VKORC1L1: variants seen among roughly 807,000 people sequenced by gnomAD.
VKORC1L1 encodes the protein vitamin K epoxide reductase complex subunit 1L1, also known as vitamin K epoxide reductase complex subunit 1-like protein 1.
Under a neutral mutation model 18.9 loss-of-function variants are expected in VKORC1L1, and 2 were observed. The ratio of observed to expected loss-of-function variants is 0.11; its 90% CI spans 0.04 to 0.33. The LOEUF (loss-of-function observed/expected upper bound fraction) is 0.33. Ranked by LOEUF, VKORC1L1 falls within the 10% of genes least tolerant of loss-of-function variation. The pLI is 1.00. For synonymous variants in VKORC1L1, 96 were observed against 100.0 expected, an observed-to-expected ratio of 0.96 and a Z score of 0.24; for missense variants, 123 against 224.1, an observed-to-expected ratio of 0.55 and a Z score of 2.88.
At chr7:65,889,612 C>T (rs1227716382) in intron 1 of VKORC1L1, among the ~76,000 whole-genome samples, 2 of 152,156 alleles carry the variant, frequency 1.3e-5, no homozygotes, top group Non-Finnish European at 2.9e-5. Context: ...ACCAACATTC[C>T]GGTCATTAAA....
chr7:65,893,197 A>G (rs1789137157), intron 1 of VKORC1L1, among the ~76,000 whole-genome samples: 2 of 152,030 alleles, frequency 1.3e-5, no homozygotes, highest in Admixed American at 6.6e-5. Flanking sequence ...TATTTATGTT[A>G]GCATATAATA....
upstream of VKORC1L1, among the ~76,000 whole-genome samples, chr7:65,869,390 A>G (rs930357103): frequency 1.3e-5 from 2 of 152,182 alleles, no homozygotes; most frequent in African/African-American, 4.8e-5. Flanking sequence ...GCCACCTTGG[A>G]ATATAGAATT....
intron 1 of VKORC1L1, among the ~76,000 whole-genome samples, chr7:65,932,133 T>C (rs1479723191): frequency 6.6e-6 from 1 of 152,196 alleles, no homozygotes; most frequent in Non-Finnish European, 1.5e-5. Context: ...GGTATCATGC[T>C]GTTGCCCAGG....
intron 1 of VKORC1L1, among the ~76,000 whole-genome samples, chr7:65,890,287 C>T (rs112766480): frequency 9.2e-5 from 14 of 152,152 alleles, no homozygotes; most frequent in Admixed American, 3.9e-4. Flanking sequence ...CCTGCCACCA[C>T]GCCCGGCTAA....
At position 65,883,712 on chromosome 7, in the gene VKORC1L1, C is replaced by A. The variant is rs1252863686; in HGVS notation, c.194+10147C>A. 3.9e-5 allele frequency among the ~76,000 whole-genome samples: 6 copies of A among 151,934 alleles called. 1 individual carries two copies. The highest frequency in any genetic ancestry group is 8.8e-5 in the Non-Finnish European group (6 of 67,994). On this transcript the variant is annotated intron_variant, in intron 1 of 2. Coordinates refer to ENST00000360768, the MANE Select transcript of VKORC1L1 (RefSeq NM_173517.6). ...ATGGGGTTTCACCATGTTGGCCAGG[C>A]TGGTCTCGACCTCCTGACCTCGTAA...
At chr7:65,866,642 C>T in the VKORC1L1 span, among the ~76,000 whole-genome samples, 1 of 152,164 alleles carries the variant, frequency 6.6e-6, no homozygotes, top group African/African-American at 2.4e-5. Context: ...GGGCTCAGTG[C>T]TTCATACTTG....
At chr7:65,866,826 T>C in the VKORC1L1 span, among the ~76,000 whole-genome samples, 4 of 151,738 alleles carry the variant, frequency 2.6e-5, no homozygotes, top group African/African-American at 9.7e-5. Flanking sequence ...GGTGGGAGAA[T>C]TGCTTGAGCC....
At chr7:65,869,230 C>G (rs1429006792), upstream of VKORC1L1, among the ~76,000 whole-genome samples, 1 of 151,908 alleles carries the variant, frequency 6.6e-6, no homozygotes, top group Non-Finnish European at 1.5e-5. Flanking sequence ...AGGAGAATCT[C>G]TTCAACCTGG....
At chr7:65,882,805 ATT>A (rs1188410782) in intron 1 of VKORC1L1, among the ~76,000 whole-genome samples, 1 of 152,198 alleles carries the variant, frequency 6.6e-6, no homozygotes, top group Non-Finnish European at 1.5e-5. Context: ...TAAAGTTTTT[ATT>A]TTTTACCAAA....
intron 1 of VKORC1L1, among the ~76,000 whole-genome samples, chr7:65,935,074 G>A (rs1231075027): frequency 6.6e-6 from 1 of 151,394 alleles, no homozygotes; most frequent in African/African-American, 2.4e-5. Context: ...AAAAAAAGGG[G>A]GTCTATTTCA....
chr7:65,953,847 A>G (rs1426858700), intron 2 of VKORC1L1, among the ~76,000 whole-genome samples: 1 of 152,228 alleles, frequency 6.6e-6, no homozygotes, highest in East Asian at 1.9e-4. Flanking sequence ...CCTGGGCGGT[A>G]GAGTGAGACT....
At chr7:65,925,709 T>G (rs1789750075) in intron 1 of VKORC1L1, among the ~76,000 whole-genome samples, 1 of 152,152 alleles carries the variant, frequency 6.6e-6, no homozygotes, top group African/African-American at 2.4e-5. Flanking sequence ...TATATAGGAT[T>G]TGATAAAATT....
chr7:65,948,869 G>A (rs1248965282), intron 2 of VKORC1L1, 89 bp downstream of exon 2: 7 of 1,500,476 alleles, frequency 4.7e-6, no homozygotes, highest in African/African-American at 1.4e-5. Context: ...GTTAAAGCAT[G>A]TGTTATTTAT....
chr7:65,868,080 CAG>C (rs370145148), upstream of VKORC1L1, among the ~76,000 whole-genome samples: 1 of 152,178 alleles, frequency 6.6e-6, no homozygotes, highest in African/African-American at 2.4e-5. Context: ...CTCCTGACCT[CAG>C]GTGATTCACC....
At chr7:65,872,925 C>T (rs1238865838), upstream of VKORC1L1, among the ~76,000 whole-genome samples, 1 of 151,778 alleles carries the variant, frequency 6.6e-6, no homozygotes, top group Non-Finnish European at 1.5e-5. Context: ...TTAAGTCCCT[C>T]CCGCACTGGC....
At chr7:65,890,964 A>G (rs930926694) in intron 1 of VKORC1L1, among the ~76,000 whole-genome samples, 3 of 152,228 alleles carry the variant, frequency 2.0e-5, no homozygotes, top group Non-Finnish European at 4.4e-5. Flanking sequence ...GGTAATTTCC[A>G]GAAAGAAGCT....
intron 1 of VKORC1L1, among the ~76,000 whole-genome samples, chr7:65,893,541 T>C (rs1376615301): frequency 1.3e-5 from 2 of 151,756 alleles, no homozygotes; most frequent in African/African-American, 4.8e-5. Flanking sequence ...AGACTCTATC[T>C]CAAAAAAGTA....
chr7:65,910,641 G>A (rs144884980), intron 1 of VKORC1L1, among the ~76,000 whole-genome samples: 4 of 151,872 alleles, frequency 2.6e-5, no homozygotes, highest in Admixed American at 6.6e-5. Flanking sequence ...ATATCTGTGC[G>A]CTTGTCAAGG....
rs1789468369 is a variant in VKORC1L1 at position 65,909,690 on chromosome 7, T to TGTGTGTGTGTGTGTGTGTGTGTGTG, written c.194+36125_194+36126insGTGTGTGTGTGTGTGTGTGTGTGTG. ...AAGCTTCTAACTTTTGTTTTAGCCT[T>TGTGTGTGTGTGTGTGTGTGTGTGTG]TGTGTGTGTGTGTGTGTGTGTGTGT... On this transcript the variant is annotated intron_variant, in intron 1 of 2. Transcript: ENST00000360768. 3.2e-5 allele frequency among the ~76,000 whole-genome samples: 4 copies of TGTGTGTGTGTGTGTGTGTGTGTGTG among 123,842 alleles called. 1 individual carries two copies. The highest frequency in any genetic ancestry group is 1.3e-4 in the African/African-American group (4 of 31,746). The allele number at this position is 123,842 out of a possible 152,430, so 81.2% of individuals were successfully genotyped here. A position where few individuals can be genotyped will look rare whatever the true frequency, so the allele number is the denominator to read the frequency against.
Sources: allele counts gnomAD v4.1 joint callset (sites outside exome capture counted in the v4.1 genomes callset), GRCh38; gene constraint gnomAD v4.1.1; transcripts MANE v1.5; gene names NCBI Gene and HGNC (gene_info 2026-07-23, HGNC 2026-07-21).